The following CACNA2D3 variants were observed in gnomAD, a reference collection of about 807,000 sequenced individuals.
CACNA2D3 encodes voltage-dependent calcium channel subunit alpha-2/delta-3.
Under a neutral mutation model 160.6 loss-of-function variants are expected in CACNA2D3, and 60 were observed. The observed-to-expected ratio is 0.37, with a 90% CI of 0.30 to 0.46. CACNA2D3 has a LOEUF of 0.46. Among genes scored for constraint, CACNA2D3 ranks in the 20% least tolerant of loss-of-function variants. The pLI is 1.00. For missense variants in CACNA2D3, 1,205 were observed against 1,365.0 expected (o/e 0.88, Z 1.85); for synonymous variants, 558 against 492.9 (o/e 1.13, Z -1.75).
At chr3:54,511,762 G>A (rs1458470094) in intron 5 of CACNA2D3, among the ~76,000 whole-genome samples, 2 of 152,144 alleles carry the variant, frequency 1.3e-5, no homozygotes, top group East Asian at 1.9e-4. Flanking sequence ...CTGGTGCCCC[G>A]ACATTTGTGA....
chr3:54,643,148 A>T (rs1452125208), intron 11 of CACNA2D3, among the ~76,000 whole-genome samples: 1 of 152,188 alleles, frequency 6.6e-6, no homozygotes. Flanking sequence ...TACACGAGTC[A>T]GTCCAGGCCA....
intron 2 of CACNA2D3, among the ~76,000 whole-genome samples, chr3:54,316,774 G>T (rs1703872221): frequency 6.6e-6 from 1 of 152,178 alleles, no homozygotes; most frequent in Non-Finnish European, 1.5e-5. Flanking sequence ...GATATAGGAA[G>T]ATCTCATTGA....
chr3:54,576,098 T>C (rs1702577137), intron 8 of CACNA2D3, among the ~76,000 whole-genome samples: 1 of 152,112 alleles, frequency 6.6e-6, no homozygotes, highest in African/African-American at 2.4e-5. Context: ...GGGCAGGGTG[T>C]TGAGATGCGC....
chr3:54,986,996 C>T (rs1172114355), intron 30 of CACNA2D3, among the ~76,000 whole-genome samples: 1 of 152,196 alleles, frequency 6.6e-6, no homozygotes, highest in Non-Finnish European at 1.5e-5. Context: ...AGTAGACTTA[C>T]AAAAACATCA....
intron 12 of CACNA2D3, among the ~76,000 whole-genome samples, chr3:54,757,732 C>G (rs1039713987): frequency 1.3e-5 from 2 of 152,178 alleles, no homozygotes; most frequent in African/African-American, 4.8e-5. Flanking sequence ...TGTGCATTAC[C>G]TCTTTTGATC....
chr3:54,798,317 G>C (rs535908802), intron 13 of CACNA2D3, among the ~76,000 whole-genome samples: 2 of 152,020 alleles, frequency 1.3e-5, no homozygotes, highest in African/African-American at 4.8e-5. Context: ...GGTGGATCGC[G>C]AGGTTGGGAG....
intron 9 of CACNA2D3, among the ~76,000 whole-genome samples, chr3:54,597,988 G>A (rs796995709): frequency 6.6e-6 from 1 of 151,954 alleles, no homozygotes. Context: ...TCCATAGAGC[G>A]AGGATCAGTA....
chr3:54,477,623 C>T (rs1283225726), intron 4 of CACNA2D3, among the ~76,000 whole-genome samples: 1 of 152,142 alleles, frequency 6.6e-6, no homozygotes, highest in East Asian at 1.9e-4. Flanking sequence ...CATTTCTCTC[C>T]ACCTCCAAGT....
intron 3 of CACNA2D3, among the ~76,000 whole-genome samples, chr3:54,328,531 C>G (rs1482843020): frequency 1.3e-5 from 2 of 152,200 alleles, no homozygotes; most frequent in Non-Finnish European, 1.5e-5. Flanking sequence ...ATCTGCCCAC[C>G]TCGGCCTCCC....
chr3:54,168,291 C>G (rs1559869851), intron 2 of CACNA2D3, among the ~76,000 whole-genome samples: 1 of 152,160 alleles, frequency 6.6e-6, no homozygotes. Context: ...AACTTCCATT[C>G]GCTTGGGCTA....
chr3:54,214,259 A>T (rs919322116), intron 2 of CACNA2D3, among the ~76,000 whole-genome samples: 1 of 152,180 alleles, frequency 6.6e-6, no homozygotes, highest in African/African-American at 2.4e-5. Context: ...CTTGAATGGG[A>T]TGTGGCCACT....
chr3:54,402,845 G>A (rs191245255), intron 4 of CACNA2D3, among the ~76,000 whole-genome samples: 166 of 152,290 alleles, frequency 1.1e-3, no homozygotes, highest in Non-Finnish European at 1.7e-3. Context: ...TCTAGTGCAC[G>A]TGGAACATTC....
intron 2 of CACNA2D3, among the ~76,000 whole-genome samples, chr3:54,190,161 A>T (rs1483707986): frequency 6.6e-6 from 1 of 152,156 alleles, no homozygotes; most frequent in Non-Finnish European, 1.5e-5. Context: ...CTATGGGTGG[A>T]GCCCTCATGA....
chr3:54,501,920 C>T (rs1701301185), intron 4 of CACNA2D3, among the ~76,000 whole-genome samples: 1 of 152,264 alleles, frequency 6.6e-6, no homozygotes, highest in South Asian at 2.1e-4. Flanking sequence ...GTTGATGGTT[C>T]TTTCTTTGAA....
intron 5 of CACNA2D3, among the ~76,000 whole-genome samples, chr3:54,511,209 C>T (rs55881996): frequency 0.025 from 3,824 of 152,312 alleles, 83 homozygotes; most frequent in Non-Finnish European, 0.034. Flanking sequence ...TAGCCCTCCT[C>T]TCCAGAAACA....
Position 54,412,987 on chromosome 3 carries a change from A to T in CACNA2D3, c.381+26213A>T, listed in dbSNP as rs144869345. ...ATATTTACCATTTCTGACACTCTTCATTCCTTCATATAGAGTTGAGTTTCC... is the reference window on the plus strand; with the variant it reads ...ATATTTACCATTTCTGACACTCTTCTTTCCTTCATATAGAGTTGAGTTTCC... On this transcript the variant is annotated intron_variant, in intron 4 of 37. Transcript: ENST00000474759. Among the ~76,000 whole-genome samples, 1,383 of 151,982 alleles carry T rather than the reference A, an allele frequency of 9.1e-3. 24 individuals are homozygous for T. The highest frequency in any genetic ancestry group is 0.03 in the African/African-American group (1,257 of 41,548).
At chr3:54,487,664 G>A (rs1169423267) in intron 4 of CACNA2D3, among the ~76,000 whole-genome samples, 1 of 152,124 alleles carries the variant, frequency 6.6e-6, no homozygotes, top group Non-Finnish European at 1.5e-5. Flanking sequence ...TAGACAGAAA[G>A]CTTAGGAACA....
chr3:54,547,602 A>C (rs1300641038), intron 5 of CACNA2D3, among the ~76,000 whole-genome samples: 1 of 151,030 alleles, frequency 6.6e-6, no homozygotes, highest in Admixed American at 6.6e-5. Flanking sequence ...TGGATTCAGC[A>C]GTTTGTCAGT....
At chr3:54,320,866 C>T (rs2107508051) in intron 3 of CACNA2D3, among the ~76,000 whole-genome samples, 1 of 152,286 alleles carries the variant, frequency 6.6e-6, no homozygotes, top group Admixed American at 6.5e-5. Context: ...GGCCAAAAAC[C>T]ATTCAAAGGT....
Sources: gnomAD v4.1 joint callset for allele counts (sites outside exome capture counted in the v4.1 genomes callset) on GRCh38, gnomAD v4.1.1 for gene constraint, MANE v1.5 for transcripts, NCBI Gene and HGNC (gene_info 2026-07-23, HGNC 2026-07-21) for gene names.